Variants in CHCHD6 observed in about 807,000 individuals in gnomAD.
CHCHD6 encodes MICOS complex subunit MIC25.
Under a neutral mutation model 32.3 loss-of-function variants are expected in CHCHD6, and 28 were observed. The observed-to-expected ratio is 0.87, with a 90% CI of 0.64 to 1.19. The LOEUF (loss-of-function observed/expected upper bound fraction) is 1.19, where lower values mean the gene tolerates loss of function less well. CHCHD6 is among the 50% of genes most tolerant of loss of function. The pLI is 0.00. For missense variants in CHCHD6, 333 were observed against 307.0 expected, an observed-to-expected ratio of 1.08 and a Z score of -0.63; for synonymous variants, 122 against 117.5, an observed-to-expected ratio of 1.04 and a Z score of -0.25.
chr3:126,712,694 G>A (rs778059387), intron 1 of CHCHD6, among the ~76,000 whole-genome samples: 9 of 152,138 alleles, frequency 5.9e-5, no homozygotes, highest in Non-Finnish European at 8.8e-5. Context: ...GCTTCTGACC[G>A]TTTCTGAGCC....
chr3:126,789,597 G>T (rs898714776), intron 4 of CHCHD6, among the ~76,000 whole-genome samples: 1 of 152,082 alleles, frequency 6.6e-6, no homozygotes, highest in Non-Finnish European at 1.5e-5. Context: ...TGTCTCTTTT[G>T]ATCTTTGTTG....
chr3:126,719,930 G>T (rs1402031875), intron 1 of CHCHD6, among the ~76,000 whole-genome samples: 1 of 152,066 alleles, frequency 6.6e-6, no homozygotes, highest in African/African-American at 2.4e-5. Flanking sequence ...GCCCAGACTG[G>T]AGTGCAATGG....
At chr3:126,928,046 C>T (rs1213427114) in intron 6 of CHCHD6, among the ~76,000 whole-genome samples, 1 of 152,196 alleles carries the variant, frequency 6.6e-6, no homozygotes, top group Non-Finnish European at 1.5e-5. Flanking sequence ...GGAAGTTGTT[C>T]ATTGGTAAAG....
At position 126,856,802 on chromosome 3, in the gene CHCHD6, G is replaced by T. The variant is rs149193087; in HGVS notation, c.495+4072G>T. Reference sequence around the variant, plus strand: ...TCAGTCAACCATGGAGCTGAGTAGGGTGGTAGGGATGAGTAGGCTTTGGGG... The same window carrying T: ...TCAGTCAACCATGGAGCTGAGTAGGTTGGTAGGGATGAGTAGGCTTTGGGG... On this transcript the variant is annotated intron_variant, in intron 5 of 7. Transcript: ENST00000290913. Among the ~76,000 whole-genome samples the T allele has an allele frequency of 2.8e-3, 429 of 152,314 alleles. 2 individuals are homozygous for T. The highest frequency in any genetic ancestry group is 9.8e-3 in the African/African-American group (406 of 41,546).
At chr3:126,894,343 T>C (rs541619800) in intron 5 of CHCHD6, among the ~76,000 whole-genome samples, 1 of 152,362 alleles carries the variant, frequency 6.6e-6, no homozygotes, top group South Asian at 2.1e-4. Context: ...GTCCATGGTC[T>C]TTTTTGTGAA....
chr3:126,876,001 G>A (rs1286379158), intron 5 of CHCHD6, among the ~76,000 whole-genome samples: 1 of 152,170 alleles, frequency 6.6e-6, no homozygotes, highest in Admixed American at 6.5e-5. Context: ...ACAGCTTTCA[G>A]TAAAATAAAT....
chr3:126,831,848 T>A (rs569357677), intron 4 of CHCHD6, among the ~76,000 whole-genome samples: 1 of 152,168 alleles, frequency 6.6e-6, no homozygotes, highest in Admixed American at 6.5e-5. Context: ...GAGAAGATCG[T>A]TGGTCTCAGG....
At chr3:126,929,046 G>A (rs571158611) in intron 6 of CHCHD6, among the ~76,000 whole-genome samples, 1 of 152,328 alleles carries the variant, frequency 6.6e-6, no homozygotes, top group African/African-American at 2.4e-5. Context: ...GAGCTTCCTA[G>A]TTCTGCCCCC....
At chr3:126,897,681 C>G (rs2077860739) in intron 5 of CHCHD6, among the ~76,000 whole-genome samples, 1 of 152,234 alleles carries the variant, frequency 6.6e-6, no homozygotes, top group Non-Finnish European at 1.5e-5. Context: ...CCAGCCTTCT[C>G]TGGCTGATAG....
At chr3:126,904,799 T>C (rs1267323967) in intron 5 of CHCHD6, among the ~76,000 whole-genome samples, 1 of 152,230 alleles carries the variant, frequency 6.6e-6, no homozygotes, top group Non-Finnish European at 1.5e-5. Context: ...CCACTCTCAC[T>C]ACCACTCTAA....
In CHCHD6 at chr3:126,926,041, C is replaced by T. The variant is rs116058972; in HGVS notation, c.566+11291C>T. ...AGAGCACAGACGCACTCCCAGCCAC[C>T]GCGCTTGCGGTATCCCTACCTCCCT... On this transcript the variant is annotated intron_variant, in intron 6 of 7. Coordinates refer to ENST00000290913, the MANE Select transcript of CHCHD6 (RefSeq NM_032343.3). Among the ~76,000 whole-genome samples the T allele has an allele frequency of 2.7e-3, 413 of 152,308 alleles. 3 individuals carry two copies. Among genetic ancestry groups the T allele is most frequent in the African/African-American group, 9.6e-3 (399 of 41,564 alleles).
At chr3:126,918,904 A>G (rs1015803961) in intron 6 of CHCHD6, among the ~76,000 whole-genome samples, 3 of 152,182 alleles carry the variant, frequency 2.0e-5, no homozygotes, top group Non-Finnish European at 4.4e-5. Flanking sequence ...GATATACTGT[A>G]TTTTTAGTAT....
At chr3:126,759,897 G>A (rs1276180678) in intron 4 of CHCHD6, among the ~76,000 whole-genome samples, 1 of 152,202 alleles carries the variant, frequency 6.6e-6, no homozygotes, top group Non-Finnish European at 1.5e-5. Context: ...AGGAAGCATG[G>A]CACTAGCATC....
chr3:126,819,532 C>T (rs1940063231), intron 4 of CHCHD6, among the ~76,000 whole-genome samples: 1 of 152,330 alleles, frequency 6.6e-6, no homozygotes, highest in South Asian at 2.1e-4. Flanking sequence ...CAGCGTCAGA[C>T]CGTAGTTCAT....
chr3:126,860,246 C>G (rs1941810745), intron 5 of CHCHD6, among the ~76,000 whole-genome samples: 1 of 152,076 alleles, frequency 6.6e-6, no homozygotes, highest in African/African-American at 2.4e-5. Flanking sequence ...GGAAAGCTTC[C>G]CTTGGGGAAG....
At chr3:126,899,108 A>G (rs2077883668) in intron 5 of CHCHD6, among the ~76,000 whole-genome samples, 1 of 152,204 alleles carries the variant, frequency 6.6e-6, no homozygotes, top group Admixed American at 6.5e-5. Flanking sequence ...TGCGTAGCTC[A>G]GGTTTACTGT....
intron 4 of CHCHD6, among the ~76,000 whole-genome samples, chr3:126,803,277 A>T (rs1939179359): frequency 6.6e-6 from 1 of 152,232 alleles, no homozygotes. Flanking sequence ...GGCAAATTGG[A>T]TAAAGAGTCA....
intron 5 of CHCHD6, among the ~76,000 whole-genome samples, chr3:126,892,951 T>TTGTTG (rs957855045): frequency 2.0e-5 from 3 of 151,028 alleles, no homozygotes; most frequent in Non-Finnish European, 4.4e-5. Flanking sequence ...TTTGTTGTTG[T>TTGTTG]TGTTGTTTTG....
At chr3:126,739,536 G>A (rs1227434442) in intron 4 of CHCHD6, among the ~76,000 whole-genome samples, 3 of 152,184 alleles carry the variant, frequency 2.0e-5, no homozygotes, top group Non-Finnish European at 1.5e-5. Context: ...ACTAGCGGGT[G>A]GGAGCACTGG....
Sources: allele counts gnomAD v4.1 joint callset (sites outside exome capture counted in the v4.1 genomes callset), GRCh38; gene constraint gnomAD v4.1.1; transcripts MANE v1.5; gene names NCBI Gene and HGNC (gene_info 2026-07-23, HGNC 2026-07-21).